The following KCNIP4 variants were observed in gnomAD, a reference collection of about 807,000 sequenced individuals.
KCNIP4 encodes the protein potassium voltage-gated channel interacting protein 4, also known as Kv channel-interacting protein 4.
In KCNIP4, 12 loss-of-function variants were observed where a neutral mutation model predicts 34.0. The observed-to-expected ratio is 0.35, with a 90% CI of 0.23 to 0.57. KCNIP4 has a LOEUF of 0.57. Among genes scored for constraint, KCNIP4 ranks in the 20% least tolerant of loss-of-function variants. The probability of loss-of-function intolerance (pLI) is 0.83; values close to 1 mark genes in which losing one functional copy is unlikely to be tolerated. For missense variants in KCNIP4, 238 were observed against 311.7 expected (o/e 0.76, Z 1.78); for synonymous variants, 124 against 102.2 (o/e 1.21, Z -1.29).
At chr4:21,839,835 G>A (rs567152085) in intron 1 of KCNIP4, among the ~76,000 whole-genome samples, 2 of 152,220 alleles carry the variant, frequency 1.3e-5, no homozygotes, top group Admixed American at 6.5e-5. Context: ...GCTGAACACG[G>A]AATCAAGCTT....
intron 1 of KCNIP4, among the ~76,000 whole-genome samples, chr4:21,102,829 C>T (rs1375451336): frequency 6.6e-6 from 1 of 152,092 alleles, no homozygotes; most frequent in Non-Finnish European, 1.5e-5. Flanking sequence ...GCAAAAGTCC[C>T]TCTGTGACAG....
rs533889963 is a variant in KCNIP4 at position 21,105,282 on chromosome 4, T to C, written c.62-222573A>G. ...CCTTTTTTATTTCATTGAGCAGTGG[T>C]TTGCAGTTCTCCTTGAAGAGGTCCT... is the stretch of plus-strand genomic sequence containing the variant. On this transcript the variant is annotated intron_variant, in intron 1 of 8. Coordinates refer to ENST00000382152, the MANE Select transcript of KCNIP4 (RefSeq NM_025221.6). 1.5e-4 allele frequency among the ~76,000 whole-genome samples: 23 copies of C among 151,714 alleles called. No homozygotes were observed. In the South Asian group the frequency reaches 4.1e-3, roughly 27 times the overall value.
chr4:21,637,022 G>A (rs1172037354), intron 1 of KCNIP4, among the ~76,000 whole-genome samples: 2 of 152,054 alleles, frequency 1.3e-5, no homozygotes, highest in Admixed American at 1.3e-4. Flanking sequence ...GCGAAGAGGG[G>A]AGTAAACTTG....
intron 2 of KCNIP4, among the ~76,000 whole-genome samples, chr4:20,858,515 C>T (rs114633538): frequency 0.013 from 1,964 of 152,250 alleles, 39 homozygotes; most frequent in African/African-American, 0.045. Flanking sequence ...GGGCAGTTTG[C>T]TAGCCAATTA....
chr4:21,334,268 TG>T (rs1372633989), intron 1 of KCNIP4, among the ~76,000 whole-genome samples: 2 of 151,896 alleles, frequency 1.3e-5, no homozygotes, highest in Non-Finnish European at 2.9e-5. Context: ...GATAGGGTCA[TG>T]GGGGGAATAA....
intron 1 of KCNIP4, among the ~76,000 whole-genome samples, chr4:21,104,952 ATATCTCTGTT>A (rs1402615052): frequency 2.6e-5 from 4 of 151,546 alleles, no homozygotes; most frequent in Non-Finnish European, 5.9e-5. Context: ...CCATTGGTCT[ATATCTCTGTT>A]TTGGTACAAG....
chr4:20,956,379 C>T (rs901793367), intron 1 of KCNIP4, among the ~76,000 whole-genome samples: 2 of 151,992 alleles, frequency 1.3e-5, no homozygotes, highest in Non-Finnish European at 2.9e-5. Context: ...GTGGCGGGTG[C>T]CCGTGGTCCC....
chr4:21,862,379 T>A (rs191212616), intron 1 of KCNIP4, among the ~76,000 whole-genome samples: 1 of 152,092 alleles, frequency 6.6e-6, no homozygotes, highest in Non-Finnish European at 1.5e-5. Context: ...TAACTCAGAA[T>A]AAAATAAAAT....
chr4:21,012,660 A>G (rs1739158719), intron 1 of KCNIP4, among the ~76,000 whole-genome samples: 1 of 152,224 alleles, frequency 6.6e-6, no homozygotes, highest in South Asian at 2.1e-4. Flanking sequence ...CGATCATTCT[A>G]TGCCACAGGA....
At chr4:21,820,534 ATATACAAAT>A (rs1292549435) in intron 1 of KCNIP4, among the ~76,000 whole-genome samples, 1 of 151,994 alleles carries the variant, frequency 6.6e-6, no homozygotes, top group Non-Finnish European at 1.5e-5. Flanking sequence ...GCTGAACAAA[ATATACAAAT>A]TATACAAATT....
chr4:20,844,009 G>A (rs563170288), intron 3 of KCNIP4, among the ~76,000 whole-genome samples: 7 of 152,202 alleles, frequency 4.6e-5, no homozygotes, highest in African/African-American at 1.7e-4. Flanking sequence ...AAGAACTGAA[G>A]GGCTCTGATA....
chr4:21,365,267 T>A (rs1719633454), intron 1 of KCNIP4, among the ~76,000 whole-genome samples: 1 of 151,956 alleles, frequency 6.6e-6, no homozygotes, highest in Non-Finnish European at 1.5e-5. Flanking sequence ...GGCGGATCAC[T>A]TGAGGTCAAG....
intron 1 of KCNIP4, among the ~76,000 whole-genome samples, chr4:21,373,050 T>C (rs1437651263): frequency 8.6e-6 from 1 of 115,980 alleles, no homozygotes; most frequent in Non-Finnish European, 1.7e-5. Context: ...TTAGTCTTAA[T>C]GGATTGGATA....
chr4:21,757,114 AG>A (rs1387766275), intron 1 of KCNIP4, among the ~76,000 whole-genome samples: 4 of 9,698 alleles, frequency 4.1e-4, no homozygotes, highest in African/African-American at 3.1e-3. Flanking sequence ...AAAGAAAGAA[AG>A]AAAGAAAGAA....
chr4:21,693,586 A>G (rs1004182859), intron 1 of KCNIP4, among the ~76,000 whole-genome samples: 1 of 152,108 alleles, frequency 6.6e-6, no homozygotes, highest in East Asian at 1.9e-4. Flanking sequence ...TAAATAAATA[A>G]GTCTTTATAT....
chr4:21,849,399 TAA>T (rs1040013681), intron 1 of KCNIP4: 3 of 152,166 alleles, frequency 2.0e-5, no homozygotes, highest in African/African-American at 7.2e-5. Flanking sequence ...CTTTCTATTA[TAA>T]GAGTGGATCT....
intron 1 of KCNIP4, among the ~76,000 whole-genome samples, chr4:21,203,653 G>C (rs1756647979): frequency 6.6e-6 from 1 of 152,200 alleles, no homozygotes; most frequent in African/African-American, 2.4e-5. Context: ...ACTCTGTGGG[G>C]AGCAGGCACT....
intron 1 of KCNIP4, among the ~76,000 whole-genome samples, chr4:20,917,436 C>T (rs1415684442): frequency 6.6e-6 from 1 of 152,076 alleles, no homozygotes; most frequent in Non-Finnish European, 1.5e-5. Context: ...CAAGCACCTC[C>T]ATGCTAAACT....
At chr4:21,615,789 C>A (rs1285767361) in intron 1 of KCNIP4, among the ~76,000 whole-genome samples, 1 of 152,082 alleles carries the variant, frequency 6.6e-6, no homozygotes, top group African/African-American at 2.4e-5. Flanking sequence ...TCTCTCACAC[C>A]CCACATCCAA....
Sources: gnomAD v4.1 joint callset for allele counts (sites outside exome capture counted in the v4.1 genomes callset) on GRCh38, gnomAD v4.1.1 for gene constraint, MANE v1.5 for transcripts, NCBI Gene and HGNC (gene_info 2026-07-23, HGNC 2026-07-21) for gene names.